ABCA7: variants seen among roughly 807,000 people sequenced by gnomAD.
ABCA7 encodes phospholipid-transporting ATPase ABCA7.
In ABCA7, 261 loss-of-function variants were observed where a neutral mutation model predicts 227.6. That is an observed-to-expected ratio of 1.15 (90% CI 1.04 to 1.27). ABCA7 has a LOEUF of 1.27. Ranked by LOEUF, ABCA7 falls within the 50% of genes most tolerant of loss-of-function variation. The pLI is 0.00. For missense variants in ABCA7, 3,331 were observed against 2,924.5 expected (o/e 1.14, Z -3.21); for synonymous variants, 1,488 against 1,279.7 (o/e 1.16, Z -3.47).
chr19:1,051,203 G>A lies in ABCA7; in HGVS notation c.2733G>A (p.Leu911=). ...HVWFYGRLKG[L]SAAVVGPEQD... ...GGTTCTATGGGCGGCTGAAGGGTCT[G>A]AGTGCCGCTGTAGTGGGCCCCGAGC... The change falls in exon 20 of 47, where the codon CTG becomes CTA. Residue 911 remains leucine (L), a synonymous_variant. Coordinates refer to ENST00000263094, the MANE Select transcript of ABCA7 (RefSeq NM_019112.4). 6.2e-7 allele frequency: 1 copy of A among 1,611,254 alleles called. No homozygotes were observed. Among genetic ancestry groups the A allele is most frequent in the Non-Finnish European group, 8.5e-7 (1 of 1,179,902 alleles).
intron 45 of ABCA7, 105 bp downstream of exon 45, chr19:1,064,358 A>G (rs1344922108): frequency 5.6e-6 from 7 of 1,254,688 alleles, no homozygotes; most frequent in Non-Finnish European, 7.6e-6. Flanking sequence ...TTTGGCTCCA[A>G]CTGGAGAGAT....
chr19:1,041,606 G>A lies in ABCA7; in HGVS notation c.160+3G>A, dbSNP rs778284847. The A allele has an allele frequency of 1.7e-5, 28 of 1,611,312 alleles. No individual in the cohort carries two copies. The East Asian group carries it at 4.9e-4, about 28-fold the overall frequency. ...CCCGCCCCTGGAGCACCATGAATGT[G>A]AGCCCCCCCAGGGACCAGGCACTTT... On this transcript the variant is annotated splice_donor_region_variant and intron_variant, in intron 3 of 46. Coordinates refer to ENST00000263094, the MANE Select transcript of ABCA7 (RefSeq NM_019112.4).
At position 1,047,503 on chromosome 19, in the gene ABCA7, G is replaced by C; in HGVS notation, c.2118G>C (p.Leu706=). Residue 706 remains leucine (L), a synonymous_variant, in exon 16 of 47, where the codon CTG becomes CTC. Coordinates refer to ENST00000263094, the MANE Select transcript of ABCA7 (RefSeq NM_019112.4). ...AFGFGCESLA[L]LEEQGEGAQW... Reference sequence around the variant, plus strand: ...GCTTCGGCTGCGAGAGCCTGGCTCTGCTGGAGGAGCAGGGCGAGGGCGCGC... The same window carrying C: ...GCTTCGGCTGCGAGAGCCTGGCTCTCCTGGAGGAGCAGGGCGAGGGCGCGC... 6.3e-7 allele frequency: 1 copy of C among 1,582,244 alleles called. No homozygotes were observed.
chr19:1,062,278 C>A lies in ABCA7; in HGVS notation c.5677C>A (p.Arg1893Ser). Residue 1893 changes from arginine (R) to serine (S), a missense_variant, in exon 42 of 47, where the codon CGC (arginine) becomes AGC (serine). By Grantham distance (110) the Arg-to-Ser change is moderately radical. Transcript: ENST00000263094. The part of the protein sequence containing the change: ...TGREHLELLA[R>S]LRGVPEAQVA... ...CCGCGAGCACCTGGAGCTGCTTGCG[C>A]GCCTGCGCGGTGTCCCGGAGGCCCA... 1.2e-6 allele frequency: 2 copies of A among 1,609,410 alleles called. No homozygotes were observed. Among genetic ancestry groups the A allele is most frequent in the Non-Finnish European group, 1.7e-6 (2 of 1,179,676 alleles).
chr19:1,047,424 C>A, intron 15 of ABCA7, 29 bp from the exon 16 acceptor site: 1 of 1,537,970 alleles, frequency 6.5e-7, no homozygotes, highest in Non-Finnish European at 8.7e-7. Flanking sequence ...CCCGCTTCGG[C>A]CGCTCACTGA....
Position 1,042,160 on chromosome 19 carries a change from G to A in ABCA7, c.399G>A (p.Arg133=), listed in dbSNP as rs2040106697. Residue 133 remains arginine (R), a synonymous_variant, in exon 5 of 47, where the codon AGG becomes AGA. Transcript: ENST00000263094. ...TAGGGAAGCTGATCGCCACGCTGAG[G>A]GCTGCACGCAGCACGGGTGAGGAGG... ...AGLGKLIATL[R]AARSTAQPQP... 3.1e-6 allele frequency: 5 copies of A among 1,600,630 alleles called. No homozygotes were observed. The highest frequency in any genetic ancestry group is 4.2e-6 in the Non-Finnish European group (5 of 1,179,334).
In ABCA7 at chr19:1,063,679, G is replaced by T. The variant is rs1599731357; in HGVS notation, c.5847+1G>T. On this transcript the variant is annotated splice_donor_variant, in intron 43 of 46. Coordinates refer to ENST00000263094, the MANE Select transcript of ABCA7 (RefSeq NM_019112.4). LOFTEE classifies it high-confidence loss of function. ...TGGGGACCCAGCCGTGGTGTTTCTGGTGCGTGGGAGCGGTGCCTGGGTGGG... is the reference window on the plus strand; with the variant it reads ...TGGGGACCCAGCCGTGGTGTTTCTGTTGCGTGGGAGCGGTGCCTGGGTGGG... The T allele has an allele frequency of 1.3e-6, 2 of 1,593,384 alleles. No individual in the cohort carries two copies. The highest frequency in any genetic ancestry group is 2.7e-5 in the African/African-American group (2 of 74,646).
chr19:1,044,533 C>T, intron 10 of ABCA7, 44 bp from the exon 11 acceptor site: 4 of 1,583,882 alleles, frequency 2.5e-6, no homozygotes. Flanking sequence ...AGGCATGAGC[C>T]ACTGTGCCCG....
At position 1,058,010 on chromosome 19, in the gene ABCA7, G is replaced by A; in HGVS notation, c.4976G>A (p.Gly1659Asp). ...CTCACCTGCATAAACCTCTTTATTG[G>A]CATCAATGGAAGCATGGCCACCTTT... is the stretch of plus-strand genomic sequence containing the variant. ...VVLTCINLFI[G>D]INGSMATFVL... The change falls in exon 36 of 47, where the codon GGC (glycine) becomes GAC (aspartate). Residue 1659 changes from glycine to aspartate, a missense_variant. Coordinates refer to ENST00000263094, the MANE Select transcript of ABCA7 (RefSeq NM_019112.4). 1 of 1,614,070 alleles carries A rather than the reference G, an allele frequency of 6.2e-7. No homozygotes were observed. Among genetic ancestry groups the A allele is most frequent in the Admixed American group, 1.7e-5 (1 of 60,010 alleles).
chr19:1,048,862 G>T, intron 16 of ABCA7, 33 bp from the exon 17 acceptor site: 3 of 1,334,328 alleles, frequency 2.2e-6, no homozygotes, highest in South Asian at 2.6e-5. Flanking sequence ...CCTGGGGGGT[G>T]GGCTAAGCAA....
chr19:1,056,916 C>G lies in ABCA7; in HGVS notation c.4596C>G (p.Ser1532=). Residue 1532 remains serine, a synonymous_variant, in exon 34 of 47, where the codon TCC becomes TCG. Transcript: ENST00000263094. This position sits in a 1 kb window ranked among gnomAD's most constrained non-coding sequence, Gnocchi z 4.3. Reference sequence around the variant, plus strand: ...ATGTCTTCACCTCCAGGATGGCCTCCTCGGTGGACGTCCTCGTCTCCATCT... The same window carrying G: ...ATGTCTTCACCTCCAGGATGGCCTCGTCGGTGGACGTCCTCGTCTCCATCT... ...EQLSEGALMA[S]SVDVLVSICV... The G allele has an allele frequency of 6.2e-7, 1 of 1,613,554 alleles. No individual in the cohort carries two copies. The highest frequency in any genetic ancestry group is 1.1e-5 in the South Asian group (1 of 91,038).
At chr19:1,042,034 C>T (rs2040092069) in intron 4 of ABCA7, 30 bp from the exon 5 acceptor site, 7 of 1,583,896 alleles carry the variant, frequency 4.4e-6, no homozygotes, top group Middle Eastern at 1.7e-4. Flanking sequence ...CCGGCCGGAA[C>T]CCCGCCTCCT....
At chr19:1,041,470 C>T in intron 2 of ABCA7, 40 bp from the exon 3 acceptor site, 1 of 1,613,534 alleles carries the variant, frequency 6.2e-7, no homozygotes, top group Non-Finnish European at 8.5e-7. Flanking sequence ...GGCAGGCAGC[C>T]CCCACTGTCC....
In ABCA7 at chr19:1,043,082, G is replaced by T. The variant is rs751613161; in HGVS notation, c.621G>T (p.Leu207=). Residue 207 remains leucine (L), a synonymous_variant, in exon 8 of 47, where the codon CTG becomes CTT. Transcript: ENST00000263094. ...GCCTGGTGGAGCTTCGGGCACTGCT[G>T]CAGAGACCCCGAGGGACCAGCGGCC... is the stretch of plus-strand genomic sequence containing the variant. ...LRSLVELRAL[L]QRPRGTSGPL... The T allele has an allele frequency of 1.2e-6, 2 of 1,611,834 alleles. No homozygotes were observed.
chr19:1,049,293 T>C lies in ABCA7; in HGVS notation c.2408T>C (p.Leu803Pro). The change falls in exon 18 of 47, where the codon CTG becomes CCG. Residue 803 changes from leucine to proline, a missense_variant. Leu to Pro is a moderately conservative substitution (Grantham distance 98). Transcript: ENST00000263094. ...KVLVEEAPPG[L>P]SPGVSVRSLE... ...CTGGTAGAAGAGGCACCGCCCGGCCTGAGTCCTGGCGTCTCCGTTCGCAGC... is the reference window on the plus strand; with the variant it reads ...CTGGTAGAAGAGGCACCGCCCGGCCCGAGTCCTGGCGTCTCCGTTCGCAGC... The C allele has an allele frequency of 6.2e-7, 1 of 1,609,952 alleles. No individual in the cohort carries two copies. The highest frequency in any genetic ancestry group is 8.5e-7 in the Non-Finnish European group (1 of 1,178,120).
chr19:1,060,208 T>TATATATATATATATATATATATA (rs1555699222), intron 40 of ABCA7, among the ~76,000 whole-genome samples: 11 of 118,744 alleles, frequency 9.3e-5, no homozygotes, highest in African/African-American at 3.8e-4. Flanking sequence ...TATATATATA[T>TATATATATATATATATATATATA]TTTTTTTTCT....
At chr19:1,065,225 T>G (rs1599740759) in intron 46 of ABCA7, 45 bp from the exon 47 acceptor site, 4 of 1,606,896 alleles carry the variant, frequency 2.5e-6, no homozygotes, top group Non-Finnish European at 3.4e-6. Flanking sequence ...GCCAGGCCCG[T>G]GGGCTGACCG....
Position 1,046,959 on chromosome 19 carries a change from G to A in ABCA7, c.1780G>A (p.Gly594Ser). 2.5e-6 allele frequency: 4 copies of A among 1,583,266 alleles called. No individual in the cohort carries two copies. Among genetic ancestry groups the A allele is most frequent in the Non-Finnish European group, 3.4e-6 (4 of 1,168,622 alleles). ...GCTCAGCCGCGCGGTGCTCTGGCTA[G>A]GCTGGTTCCTCAGCTGCCTCGGGCC... Reference protein sequence around the residue: ...MGLSRAVLWLGWFLSCLGPFL... With the variant: ...MGLSRAVLWLSWFLSCLGPFL... Residue 594 changes from glycine to serine, a missense_variant, in exon 14 of 47, where the codon GGC becomes AGC. Physicochemically the swap from Gly to Ser is moderately conservative, Grantham distance 56. Transcript: ENST00000263094.
chr19:1,050,701 A>G (rs1264099824), intron 18 of ABCA7, among the ~76,000 whole-genome samples: 1 of 147,132 alleles, frequency 6.8e-6, no homozygotes, highest in African/African-American at 2.5e-5. Flanking sequence ...AATGGCGTGA[A>G]CCCGGGAGGT....
Sources: gnomAD v4.1 joint callset for allele counts (sites outside exome capture counted in the v4.1 genomes callset) on GRCh38, gnomAD v4.1.1 for gene constraint, Gnocchi (gnomAD v3.1) non-coding constraint, MANE v1.5 for transcripts, NCBI Gene and HGNC (gene_info 2026-07-23, HGNC 2026-07-21) for gene names.